Variants in LDAH observed in about 807,000 individuals in gnomAD.
LDAH encodes the protein lipid droplet-associated hydrolase.
In LDAH, 26 loss-of-function variants were observed where a neutral mutation model predicts 29.6. The observed-to-expected ratio is 0.88, with a 90% CI of 0.64 to 1.22. LDAH has a LOEUF of 1.22. LDAH is among the 50% of genes most tolerant of loss of function. LDAH has a pLI of 0.00. For missense variants in LDAH, 344 were observed against 387.3 expected (o/e 0.89, Z 0.94); for synonymous variants, 117 against 133.0 (o/e 0.88, Z 0.83).
At chr2:20,699,531 T>C (rs114276108) in intron 6 of LDAH, among the ~76,000 whole-genome samples, 2,727 of 152,370 alleles carry the variant, frequency 0.018, 86 homozygotes, top group African/African-American at 0.062. Flanking sequence ...ACTTAGGAGC[T>C]GTAATTGTAT....
downstream of LDAH, among the ~76,000 whole-genome samples, chr2:20,683,634 G>GT (rs1348664173): frequency 6.6e-6 from 1 of 152,194 alleles, no homozygotes; most frequent in Non-Finnish European, 1.5e-5. Flanking sequence ...TTATCCCTGC[G>GT]TAAGAGCCAA....
intron 6 of LDAH, among the ~76,000 whole-genome samples, chr2:20,690,267 G>C (rs1388401841): frequency 6.6e-6 from 1 of 152,162 alleles, no homozygotes; most frequent in African/African-American, 2.4e-5. Flanking sequence ...CACTGTCCAA[G>C]GCATGTGCTA....
At chr2:20,743,567 G>A (rs532207100) in intron 4 of LDAH, among the ~76,000 whole-genome samples, 4 of 152,116 alleles carry the variant, frequency 2.6e-5, no homozygotes, top group Admixed American at 1.3e-4. Context: ...ATACAAAATC[G>A]AAAGCACTGT....
intron 1 of LDAH, among the ~76,000 whole-genome samples, chr2:20,820,582 A>AT (rs1673196880): frequency 6.6e-6 from 1 of 151,996 alleles, no homozygotes; most frequent in South Asian, 2.1e-4. Context: ...CTGAAACTGG[A>AT]TCCCTTCCTT....
intron 2 of LDAH, among the ~76,000 whole-genome samples, chr2:20,794,752 A>T (rs372632555): frequency 2.0e-5 from 3 of 152,328 alleles, no homozygotes; most frequent in East Asian, 3.9e-4. Context: ...AACTTCTTTA[A>T]AAGTAGCCAT....
intron 4 of LDAH, among the ~76,000 whole-genome samples, chr2:20,759,132 C>G (rs1405572811): frequency 6.6e-6 from 1 of 152,132 alleles, no homozygotes; most frequent in Non-Finnish European, 1.5e-5. Flanking sequence ...TTTGCAGAAG[C>G]TCCCATAACA....
At chr2:20,811,453 G>T (rs1426729856) in intron 1 of LDAH, among the ~76,000 whole-genome samples, 1 of 151,792 alleles carries the variant, frequency 6.6e-6, no homozygotes, top group Non-Finnish European at 1.5e-5. Flanking sequence ...GATTTAAAAG[G>T]CAGAGGGACT....
At chr2:20,727,981 A>G (rs934310621) in intron 5 of LDAH, among the ~76,000 whole-genome samples, 1 of 152,236 alleles carries the variant, frequency 6.6e-6, no homozygotes, top group East Asian at 1.9e-4. Context: ...CCAGAACTCA[A>G]GCCTACAGGA....
chr2:20,689,973 A>T (rs1662874218), intron 6 of LDAH, among the ~76,000 whole-genome samples: 1 of 152,244 alleles, frequency 6.6e-6, no homozygotes, highest in South Asian at 2.1e-4. Flanking sequence ...CAGTTTCCTC[A>T]ACAAGAAAAG....
At chr2:20,693,924 A>G (rs548610982) in intron 6 of LDAH, among the ~76,000 whole-genome samples, 1 of 152,392 alleles carries the variant, frequency 6.6e-6, no homozygotes, top group East Asian at 1.9e-4. Flanking sequence ...GGAGTGACAC[A>G]GATTCTGAGA....
chr2:20,721,042 A>C (rs959702365), intron 5 of LDAH, among the ~76,000 whole-genome samples: 5 of 152,158 alleles, frequency 3.3e-5, no homozygotes, highest in Admixed American at 1.3e-4. Flanking sequence ...CATTAGGGGG[A>C]ATGCTACAGG....
At chr2:20,769,519 T>G (rs903225968) in intron 4 of LDAH, among the ~76,000 whole-genome samples, 1 of 152,202 alleles carries the variant, frequency 6.6e-6, no homozygotes, top group Non-Finnish European at 1.5e-5. Context: ...CTCAGCAGAA[T>G]AGTGTAAGTA....
Position 20,807,635 on chromosome 2 carries a change from A to G in LDAH, c.-2-6170T>C, listed in dbSNP as rs111719570. On this transcript the variant is annotated intron_variant, in intron 1 of 6. Coordinates refer to ENST00000237822, the MANE Select transcript of LDAH (RefSeq NM_021925.4). ...TACAGAAAATATTTCATAAAATCCAATAGTCATGAAAAAATTCTTAACAAG... is the reference window on the plus strand; with the variant it reads ...TACAGAAAATATTTCATAAAATCCAGTAGTCATGAAAAAATTCTTAACAAG... Among the ~76,000 whole-genome samples, 296 of 152,188 alleles carry G rather than the reference A, an allele frequency of 1.9e-3. 3 individuals are homozygous for G. Among genetic ancestry groups the G allele is most frequent in the African/African-American group, 6.6e-3 (275 of 41,580 alleles).
Position 20,710,604 on chromosome 2 carries a change from G to GTA in LDAH, c.704-8953_704-8952insTA, listed in dbSNP as rs1371496609. Among the ~76,000 whole-genome samples, 8 of 126,038 alleles carry GTA rather than the reference G, an allele frequency of 6.3e-5. No individual in the cohort carries two copies. In the South Asian group the frequency reaches 1.8e-3, roughly 29 times the overall value. 82.7% of individuals were successfully genotyped at this position (126,038 alleles called of 152,430 possible). A position where few individuals can be genotyped will look rare whatever the true frequency, so the allele number is the denominator to read the frequency against. On this transcript the variant is annotated intron_variant, in intron 5 of 6. Coordinates refer to ENST00000237822, the MANE Select transcript of LDAH (RefSeq NM_021925.4). ...TATAGGGGTGTGTGTGTGTGTGTGT[G>GTA]TGTATATATATATATAGATATATAT... is the stretch of plus-strand genomic sequence containing the variant.
At chr2:20,763,536 T>TCC (rs1668827573) in intron 4 of LDAH, among the ~76,000 whole-genome samples, 1 of 152,244 alleles carries the variant, frequency 6.6e-6, no homozygotes, top group African/African-American at 2.4e-5. Flanking sequence ...CTTATTCAAA[T>TCC]TAGTGCCCAG....
In LDAH at chr2:20,684,805, C is replaced by T; in HGVS notation, c.*2098G>A. ...TCACAAAGACCATCCATGTGGTTGA[C>T]TGGGACATACAGGCAGAGCTGCTTC... On this transcript the variant is annotated 3_prime_UTR_variant, in exon 7 of 7. Transcript: ENST00000237822. 1 of 1,472,874 alleles carries T rather than the reference C, an allele frequency of 6.8e-7. No homozygotes were observed. The highest frequency in any genetic ancestry group is 9.1e-7 in the Non-Finnish European group (1 of 1,093,546). 91.2% of individuals were successfully genotyped at this position (1,472,874 alleles called of 1,614,324 possible).
At chr2:20,704,007 A>G (rs138764747) in intron 5 of LDAH, among the ~76,000 whole-genome samples, 3 of 152,334 alleles carry the variant, frequency 2.0e-5, no homozygotes, top group East Asian at 1.9e-4. Context: ...AAGTCTGTGC[A>G]GTGACAGAGG....
At chr2:20,721,078 T>G (rs556902295) in intron 5 of LDAH, among the ~76,000 whole-genome samples, 16 of 152,234 alleles carry the variant, frequency 1.1e-4, no homozygotes, top group African/African-American at 3.8e-4. Context: ...AAGATTTTTT[T>G]CGGGTAAGAC....
chr2:20,765,670 G>C (rs1376997078), intron 4 of LDAH, among the ~76,000 whole-genome samples: 2 of 152,144 alleles, frequency 1.3e-5, no homozygotes, highest in Non-Finnish European at 1.5e-5. Context: ...GCTGGGCTGA[G>C]ATGGGCTGGA....
Sources: allele counts gnomAD v4.1 joint callset (sites outside exome capture counted in the v4.1 genomes callset), GRCh38; gene constraint gnomAD v4.1.1; transcripts MANE v1.5; gene names NCBI Gene and HGNC (gene_info 2026-07-23, HGNC 2026-07-21).